Variants in CABIN1 observed in about 807,000 individuals in gnomAD.
The protein encoded by CABIN1 is calcineurin-binding protein cabin-1.
Under a neutral mutation model 227.7 loss-of-function variants are expected in CABIN1, and 133 were observed. The observed-to-expected ratio is 0.58, with a 90% CI of 0.51 to 0.67. The LOEUF is 0.67. Ranked by LOEUF, CABIN1 falls within the 30% of genes least tolerant of loss-of-function variation. CABIN1 has a pLI of 0.00. For synonymous variants in CABIN1, 1,086 were observed against 1,155.1 expected (o/e 0.94, Z 1.21); for missense variants, 2,408 against 2,852.5 (o/e 0.84, Z 3.55).
intron 18 of CABIN1, 136 bp downstream of exon 18, chr22:24,072,646 C>A: frequency 9.3e-7 from 1 of 1,075,656 alleles, no homozygotes; most frequent in Non-Finnish European, 1.4e-6. Flanking sequence ...ATTTTGCATG[C>A]GCTTGGACAG....
chr22:24,162,612 G>A (rs1462896391), intron 29 of CABIN1, among the ~76,000 whole-genome samples: 1 of 152,264 alleles, frequency 6.6e-6, no homozygotes, highest in African/African-American at 2.4e-5. Flanking sequence ...CAGAGCACAT[G>A]CAAATGTAAA....
chr22:24,042,265 C>CT (rs1435275332), intron 5 of CABIN1, among the ~76,000 whole-genome samples: 2 of 152,190 alleles, frequency 1.3e-5, no homozygotes, highest in South Asian at 4.1e-4. Flanking sequence ...ATTTTCTTTT[C>CT]TTTCTTCTCC....
At chr22:24,099,406 A>G (rs2042081613) in intron 26 of CABIN1, among the ~76,000 whole-genome samples, 1 of 152,148 alleles carries the variant, frequency 6.6e-6, no homozygotes, top group Admixed American at 6.5e-5. Flanking sequence ...GTGTTGAGAG[A>G]GGCTGAGGAT....
At position 24,064,166 on chromosome 22, in the gene CABIN1, C is replaced by T; in HGVS notation, c.2016C>T (p.Asp672=). The T allele has an allele frequency of 6.2e-7, 1 of 1,614,194 alleles. No homozygotes were observed. Residue 672 remains aspartate, a synonymous_variant, in exon 15 of 37, where the codon GAC becomes GAT. Coordinates refer to ENST00000263119, the MANE Select transcript of CABIN1 (RefSeq NM_012295.4). ...TCCGGCTGCCCAACCTCCATAATGA[C>T]TCTGTGGTTTCCCTGGAGGAGGTAA... is the stretch of plus-strand genomic sequence containing the variant. ...IVIRLPNLHN[D]SVVSLEEIDK... is the part of the protein sequence containing the mutation.
At chr22:24,093,904 G>A (rs2041715029) in intron 24 of CABIN1, among the ~76,000 whole-genome samples, 2 of 152,140 alleles carry the variant, frequency 1.3e-5, no homozygotes, top group Admixed American at 6.5e-5. Context: ...AAATTTGCCT[G>A]TTTTGGGGCC....
intron 29 of CABIN1, among the ~76,000 whole-genome samples, chr22:24,139,512 G>A (rs1254385369): frequency 6.6e-6 from 1 of 151,832 alleles, no homozygotes; most frequent in Non-Finnish European, 1.5e-5. Flanking sequence ...GTTGTAGTGA[G>A]CTGAGATTGC....
At chr22:24,144,718 C>A (rs1316923159) in intron 29 of CABIN1, among the ~76,000 whole-genome samples, 2 of 152,244 alleles carry the variant, frequency 1.3e-5, no homozygotes, top group Non-Finnish European at 2.9e-5. Flanking sequence ...TCCCTCAAGG[C>A]CATCCTAGGC....
chr22:24,035,845 C>T (rs1457086809), intron 2 of CABIN1, among the ~76,000 whole-genome samples: 1 of 151,916 alleles, frequency 6.6e-6, no homozygotes, highest in Non-Finnish European at 1.5e-5. Context: ...TGGACAGTAC[C>T]CAGGACATAC....
At chr22:24,080,347 G>T (rs1441165582) in intron 19 of CABIN1, among the ~76,000 whole-genome samples, 2 of 152,104 alleles carry the variant, frequency 1.3e-5, no homozygotes, top group African/African-American at 2.4e-5. Flanking sequence ...TAGTCTCTTG[G>T]CTATTCTTGG....
chr22:24,159,976 CA>C (rs1186924414), intron 29 of CABIN1, among the ~76,000 whole-genome samples: 3 of 152,266 alleles, frequency 2.0e-5, no homozygotes, highest in Non-Finnish European at 2.9e-5. Flanking sequence ...TCCATTTCTA[CA>C]TCTGTAAAAC....
intron 1 of CABIN1, among the ~76,000 whole-genome samples, chr22:24,029,579 C>T (rs1286530408): frequency 2.0e-5 from 3 of 151,848 alleles, no homozygotes; most frequent in Non-Finnish European, 4.4e-5. Flanking sequence ...ATGGTAGTTG[C>T]TAGTAAAGGG....
rs2036820310 is a variant in CABIN1 at position 24,035,649 on chromosome 22, G to T, written c.3+129G>T. 4 of 1,198,122 alleles carry T rather than the reference G, an allele frequency of 3.3e-6. No individual in the cohort carries two copies. In the African/African-American group the frequency reaches 4.5e-5, roughly 13 times the overall value. 74.2% of individuals were successfully genotyped at this position (1,198,122 alleles called of 1,614,324 possible). ...ATGGAGTAGCCTTCCTCCCAGGAAG[G>T]CTGTTGGCACCTTTGAGGGTGTGAG... is the stretch of plus-strand genomic sequence containing the variant. On this transcript the variant is annotated intron_variant, in intron 2 of 36. Coordinates refer to ENST00000263119, the MANE Select transcript of CABIN1 (RefSeq NM_012295.4).
intron 24 of CABIN1, among the ~76,000 whole-genome samples, chr22:24,094,351 T>C (rs1046765890): frequency 2.0e-5 from 3 of 152,188 alleles, no homozygotes; most frequent in African/African-American, 7.2e-5. Flanking sequence ...TACCAGCAGC[T>C]TCCATATGAG....
chr22:24,167,402 C>T, intron 32 of CABIN1, 89 bp downstream of exon 32: 1 of 1,333,614 alleles, frequency 7.5e-7, no homozygotes, highest in Non-Finnish European at 1.0e-6. Flanking sequence ...TCTCCCAGGC[C>T]TGCCCTTGGG....
At chr22:24,070,472 C>T (rs568858963) in intron 16 of CABIN1, among the ~76,000 whole-genome samples, 1 of 152,378 alleles carries the variant, frequency 6.6e-6, no homozygotes, top group South Asian at 2.1e-4. Flanking sequence ...GGAGAGCTGA[C>T]AGGTGTTGGG....
rs146567498 is a variant in CABIN1 at position 24,038,273 on chromosome 22, G to T, written c.97-75G>T. 3.6e-4 allele frequency: 420 copies of T among 1,165,860 alleles called. 1 individual carries two copies. In the African/African-American group the frequency reaches 6.0e-3, roughly 17 times the overall value. 72.2% of individuals were successfully genotyped at this position (1,165,860 alleles called of 1,614,324 possible). On this transcript the variant is annotated intron_variant, in intron 3 of 36. Coordinates refer to ENST00000263119, the MANE Select transcript of CABIN1 (RefSeq NM_012295.4). ...GGTTGGTTCCTCTGACTGTAGCCCC[G>T]CCTTACACACATTTTTGGCTTAAAA...
intron 9 of CABIN1, among the ~76,000 whole-genome samples, chr22:24,055,372 C>T (rs539521736): frequency 1.1e-3 from 167 of 152,386 alleles, no homozygotes; most frequent in African/African-American, 3.9e-3. Context: ...TGAAGCCCTG[C>T]AGCTAGGAGG....
rs115768310 is a variant in CABIN1, at chr22:24,106,166, T to C, written c.4118-7400T>C. Among the ~76,000 whole-genome samples the C allele has an allele frequency of 8.2e-4, 125 of 152,330 alleles. 1 individual carries two copies. The highest frequency in any genetic ancestry group is 2.8e-3 in the African/African-American group (118 of 41,588). On this transcript the variant is annotated intron_variant, in intron 26 of 36. Coordinates refer to ENST00000263119, the MANE Select transcript of CABIN1 (RefSeq NM_012295.4). The stretch of plus-strand genomic sequence containing the variant: ...GGGTGGAGTATGGCTCAGGGAGTGG[T>C]CCTTGCCCAAAGGTACATGGCTGAT...
intron 3 of CABIN1, among the ~76,000 whole-genome samples, chr22:24,038,146 T>C (rs1033878901): frequency 2.6e-5 from 4 of 152,196 alleles, no homozygotes; most frequent in Non-Finnish European, 4.4e-5. Flanking sequence ...CACATAGGCA[T>C]GATTGATTAA....
Sources: allele counts gnomAD v4.1 joint callset (sites outside exome capture counted in the v4.1 genomes callset), GRCh38; gene constraint gnomAD v4.1.1; transcripts MANE v1.5; gene names NCBI Gene and HGNC (gene_info 2026-07-23, HGNC 2026-07-21).